The following SLC5A5 variants were observed in gnomAD, a reference collection of about 807,000 sequenced individuals.
SLC5A5 encodes sodium/iodide cotransporter.
Under a neutral mutation model 68.6 loss-of-function variants are expected in SLC5A5, and 56 were observed. The ratio of observed to expected loss-of-function variants is 0.82; its 90% CI spans 0.66 to 1.02. The LOEUF (loss-of-function observed/expected upper bound fraction) is 1.02. Among genes scored for constraint, SLC5A5 ranks in the 50% least tolerant of loss-of-function variants. The pLI, the probability that SLC5A5 is intolerant of heterozygous loss-of-function variation, is 0.00. For synonymous variants in SLC5A5, 398 were observed against 373.0 expected, an observed-to-expected ratio of 1.07 and a Z score of -0.77; for missense variants, 807 against 859.8, an observed-to-expected ratio of 0.94 and a Z score of 0.77.
At position 17,875,994 on chromosome 19, in the gene SLC5A5, G is replaced by C. The variant is rs79893861; in HGVS notation, c.586G>C (p.Val196Leu). The change falls in exon 5 of 15, where the codon GTG becomes CTG. Residue 196 changes from valine (V) to leucine (L), a missense_variant. Val to Leu is a conservative substitution (Grantham distance 32). Transcript: ENST00000222248. The stretch of plus-strand genomic sequence containing the variant: ...GGTCTGGACTGATGTGTTCCAGGTC[G>C]TGGTGATGCTAAGTGGCTTCTGGGT... The part of the protein sequence containing the change: ...AVVWTDVFQV[V>L]VMLSGFWVVL... 1 of 1,614,166 alleles carries C rather than the reference G, an allele frequency of 6.2e-7. No homozygotes were observed. The highest frequency in any genetic ancestry group is 8.5e-7 in the Non-Finnish European group (1 of 1,180,028).
At chr19:17,873,144 AG>A in intron 1 of SLC5A5, among the ~76,000 whole-genome samples, 1 of 152,298 alleles carries the variant, frequency 6.6e-6, no homozygotes, top group East Asian at 1.9e-4. Flanking sequence ...ACCTCCCTCC[AG>A]GGGAGAGGGT....
rs1568426706 is a variant in SLC5A5, at chr19:17,890,913, CG to C, written c.1682del (p.Gly561AspfsTer143). On this transcript the variant is annotated frameshift_variant, in exon 14 of 15. Transcript: ENST00000222248. LOFTEE classifies it high-confidence loss of function. ...TGPTKRSTLA[P>X]GLLWWDLARQ... ...CCCACCAAGCGCAGCACCCTGGCCC[CG>C]GGATTGTTGTGGTGGGACCTCGCAC... 3 of 1,613,946 alleles carry C rather than the reference CG, an allele frequency of 1.9e-6. No homozygotes were observed. The South Asian group carries it at 3.3e-5, about 18-fold the overall frequency.
chr19:17,888,401 G>A lies in SLC5A5; in HGVS notation c.1597G>A (p.Ala533Thr), dbSNP rs781551322. ...TGCCATCTCCTATCTCTATTACGGT[G>A]CCCTGGGCACGCTGACCACTGTGCT... Reference protein sequence around the residue: ...FYAISYLYYGALGTLTTVLCG... With the variant: ...FYAISYLYYGTLGTLTTVLCG... The change falls in exon 13 of 15, where the codon GCC becomes ACC. Residue 533 changes from alanine to threonine, a missense_variant. By Grantham distance (58) the Ala-to-Thr change is moderately conservative. Transcript: ENST00000222248. 8.1e-6 allele frequency: 13 copies of A among 1,613,802 alleles called. No individual in the cohort carries two copies. The South Asian group carries it at 1.1e-4, about 14-fold the overall frequency.
intron 14 of SLC5A5, 139 bp downstream of exon 14, chr19:17,891,140 C>A: frequency 1.4e-6 from 1 of 709,820 alleles, no homozygotes; most frequent in Middle Eastern, 2.5e-4. Flanking sequence ...CTATTGGGAG[C>A]TGATTCATCC....
chr19:17,882,226 C>A lies in SLC5A5; in HGVS notation c.1242+7C>A. ...CGGAGGAGGTGTCCTTCAGGTGAGA[C>A]CCCACCTGCCCCCTGCCCTGGTCTC... On this transcript the variant is annotated splice_region_variant and intron_variant, in intron 10 of 14. Transcript: ENST00000222248. 2 of 1,609,234 alleles carry A rather than the reference C, an allele frequency of 1.2e-6. No individual in the cohort carries two copies. The highest frequency in any genetic ancestry group is 1.1e-5 in the South Asian group (1 of 90,988).
In SLC5A5 at chr19:17,874,064, A is replaced by G. The variant is rs1214548463; in HGVS notation, c.358-74A>G. ...TCCGGAGGGAGGGGCCCACCTAGAG[A>G]GCAGACCAGGGACCCGAGAGGCCTC... is the stretch of plus-strand genomic sequence containing the variant. On this transcript the variant is annotated intron_variant, in intron 1 of 14. Transcript: ENST00000222248. The G allele has an allele frequency of 1.6e-5, 17 of 1,075,784 alleles. No homozygotes were observed. In the East Asian group the frequency reaches 4.1e-4, roughly 26 times the overall value. 66.6% of individuals were successfully genotyped at this position (1,075,784 alleles called of 1,614,324 possible).
At chr19:17,885,129 C>A (rs767758746) in intron 12 of SLC5A5, among the ~76,000 whole-genome samples, 1 of 151,738 alleles carries the variant, frequency 6.6e-6, no homozygotes, top group African/African-American at 2.4e-5. Flanking sequence ...ACCTCAGCCC[C>A]CCTAGTTGCT....
Position 17,876,101 on chromosome 19 carries a change from C to T in SLC5A5, c.693C>T (p.Leu231=). Residue 231 remains leucine, a synonymous_variant, in exon 5 of 15, where the codon CTC becomes CTT. Coordinates refer to ENST00000222248, the MANE Select transcript of SLC5A5 (RefSeq NM_000453.3). ...TLAQNHSRIN[L]MDFNPDPRSR... ...CCCAGAACCACTCCCGGATCAACCT[C>T]ATGGAGTGAGTGAAAATGCAGAGGA... The T allele has an allele frequency of 6.2e-7, 1 of 1,614,070 alleles. No individual in the cohort carries two copies. The highest frequency in any genetic ancestry group is 8.5e-7 in the Non-Finnish European group (1 of 1,179,984).
intron 14 of SLC5A5, among the ~76,000 whole-genome samples, chr19:17,892,046 C>T (rs1260265718): frequency 1.3e-5 from 2 of 152,234 alleles, no homozygotes; most frequent in South Asian, 2.1e-4. Context: ...GCCTGTAATC[C>T]CAGCACTTTG....
chr19:17,881,863 C>T (rs2094321315), intron 8 of SLC5A5, 97 bp from the exon 9 acceptor site: 2 of 876,638 alleles, frequency 2.3e-6, no homozygotes, highest in East Asian at 2.5e-5. Context: ...GGGTTACCCC[C>T]ACCGTTGCCC....
At chr19:17,884,109 T>A in intron 12 of SLC5A5, 63 bp downstream of exon 12, 1 of 1,350,286 alleles carries the variant, frequency 7.4e-7, no homozygotes, top group Non-Finnish European at 1.0e-6. Flanking sequence ...GAAGGGAAAC[T>A]TACTTGCCCT....
chr19:17,877,270 T>A (rs1421651331), intron 5 of SLC5A5, among the ~76,000 whole-genome samples: 1 of 152,102 alleles, frequency 6.6e-6, no homozygotes, highest in Non-Finnish European at 1.5e-5. Context: ...TATGCATATG[T>A]CAAACCCACT....
At position 17,872,521 on chromosome 19, in the gene SLC5A5, A is replaced by G; in HGVS notation, c.202A>G (p.Met68Val). 5 of 1,612,698 alleles carry G rather than the reference A, an allele frequency of 3.1e-6. No individual in the cohort carries two copies. The highest frequency in any genetic ancestry group is 1.1e-5 in the South Asian group (1 of 91,074). ...PVGLSLSASFMSAVQVLGVPS... is the reference protein window; with the variant it reads ...PVGLSLSASFVSAVQVLGVPS... ...GGGCCTGTCGCTGTCTGCCAGCTTC[A>G]TGTCGGCCGTGCAGGTGCTGGGCGT... Residue 68 changes from methionine to valine, a missense_variant, in exon 1 of 15, where the codon ATG becomes GTG. Physicochemically the swap from Met to Val is conservative, Grantham distance 21. Transcript: ENST00000222248.
intron 12 of SLC5A5, among the ~76,000 whole-genome samples, chr19:17,887,438 G>C (rs1302955138): frequency 6.6e-6 from 1 of 151,858 alleles, no homozygotes; most frequent in East Asian, 1.9e-4. Flanking sequence ...GTGACTACAG[G>C]TGCACACCAC....
intron 12 of SLC5A5, among the ~76,000 whole-genome samples, chr19:17,887,774 A>AT (rs989734256): frequency 2.0e-5 from 3 of 150,094 alleles, no homozygotes; most frequent in African/African-American, 4.9e-5. Flanking sequence ...ATTTTTTATT[A>AT]TTTTTTTATT....
intron 13 of SLC5A5, among the ~76,000 whole-genome samples, chr19:17,888,722 TC>T (rs1347147387): frequency 6.6e-6 from 1 of 151,524 alleles, no homozygotes; most frequent in Non-Finnish European, 1.5e-5. Flanking sequence ...AACCTCCACC[TC>T]CCAGATTCAA....
In SLC5A5 at chr19:17,878,079, T is replaced by C. The variant is rs1224346512; in HGVS notation, c.955T>C (p.Ser319Pro). The C allele has an allele frequency of 6.2e-7, 1 of 1,611,772 alleles. No homozygotes were observed. Among genetic ancestry groups the C allele is most frequent in the South Asian group, 1.1e-5 (1 of 91,088 alleles). Residue 319 changes from serine (S) to proline (P), a missense_variant, in exon 7 of 15, where the codon TCT becomes CCT. Ser to Pro is a moderately conservative substitution (Grantham distance 74). Coordinates refer to ENST00000222248, the MANE Select transcript of SLC5A5 (RefSeq NM_000453.3). ...CGACCCTCTCCTCCTGGGGCGCATC[T>C]CTGCCCCAGACCAGGTGAGTCCCAC... ...DCDPLLLGRISAPDQYMPLLV... is the reference protein window; with the variant it reads ...DCDPLLLGRIPAPDQYMPLLV...
Position 17,883,603 on chromosome 19 carries a change from G to A in SLC5A5, c.1243-78G>A, listed in dbSNP as rs959848563. 5.0e-6 allele frequency: 6 copies of A among 1,203,144 alleles called. No individual in the cohort carries two copies. The African/African-American group carries it at 7.5e-5, about 15-fold the overall frequency. 74.5% of individuals were successfully genotyped at this position (1,203,144 alleles called of 1,614,324 possible). ...CCCACATTGGAGTTCCTGAGGTCTC[G>A]CTTTCCCAGCGGGTAAACTGAGGCC... On this transcript the variant is annotated intron_variant, in intron 10 of 14. Transcript: ENST00000222248.
intron 7 of SLC5A5, among the ~76,000 whole-genome samples, chr19:17,880,102 T>G (rs1045180650): frequency 1.3e-5 from 2 of 152,070 alleles, no homozygotes; most frequent in African/African-American, 4.8e-5. Context: ...GGTTTTGCCA[T>G]GTTGGCCAGG....
Sources: allele counts gnomAD v4.1 joint callset (sites outside exome capture counted in the v4.1 genomes callset), GRCh38; gene constraint gnomAD v4.1.1; transcripts MANE v1.5; gene names NCBI Gene and HGNC (gene_info 2026-07-23, HGNC 2026-07-21).